PITPNM2: variants seen among roughly 807,000 people sequenced by gnomAD.
PITPNM2 encodes the protein phosphatidylinositol transfer protein membrane associated 2.
In PITPNM2, 35 loss-of-function variants were observed where a neutral mutation model predicts 132.2. The observed-to-expected ratio is 0.26, with a 90% CI of 0.20 to 0.35. PITPNM2 has a LOEUF of 0.35. Among genes scored for constraint, PITPNM2 ranks in the 10% least tolerant of loss-of-function variants. PITPNM2 has a pLI of 1.00. For missense variants in PITPNM2, 1,332 were observed against 1,912.0 expected, an observed-to-expected ratio of 0.70 and a Z score of 5.66; for synonymous variants, 738 against 799.2, an observed-to-expected ratio of 0.92 and a Z score of 1.29.
intron 1 of PITPNM2, among the ~76,000 whole-genome samples, chr12:123,129,980 C>T (rs1454648206): frequency 6.6e-6 from 1 of 151,728 alleles, no homozygotes; most frequent in Non-Finnish European, 1.5e-5. Flanking sequence ...TCATAGCTCA[C>T]TGCAGCCACA....
In PITPNM2 at chr12:123,000,572, C is replaced by G; in HGVS notation, c.1224+206G>C. On this transcript the variant is annotated intron_variant, in intron 10 of 25. Coordinates refer to ENST00000320201, the MANE Select transcript of PITPNM2 (RefSeq NM_020845.3). This position sits in a 1 kb window ranked among gnomAD's most constrained non-coding sequence, Gnocchi z 5.4. ...GTCTGTAGTCCCTGGTTCTCGGGGA[C>G]CTCAGAGACAGAGGGCGACAGGCGC... 1 of 671,242 alleles carries G rather than the reference C, an allele frequency of 1.5e-6. No individual in the cohort carries two copies. Among genetic ancestry groups the G allele is most frequent in the Non-Finnish European group, 2.7e-6 (1 of 372,972 alleles). 41.6% of individuals were successfully genotyped at this position (671,242 alleles called of 1,614,324 possible). A position where few individuals can be genotyped will look rare whatever the true frequency, so the allele number is the denominator to read the frequency against.
chr12:123,120,222 G>A (rs1014637891), intron 1 of PITPNM2, among the ~76,000 whole-genome samples: 5 of 152,136 alleles, frequency 3.3e-5, no homozygotes, highest in Non-Finnish European at 2.9e-5. Context: ...CTGAGTTCAC[G>A]GACTGGGTTC....
At position 122,992,480 on chromosome 12, in the gene PITPNM2, G is replaced by A. The variant is rs773566482; in HGVS notation, c.2404+19C>T. 3.1e-6 allele frequency: 5 copies of A among 1,603,342 alleles called. No homozygotes were observed. In the Admixed American group the frequency reaches 5.1e-5, roughly 16 times the overall value. On this transcript the variant is annotated intron_variant, in intron 16 of 25. Transcript: ENST00000320201. This position sits in a 1 kb window ranked among gnomAD's most constrained non-coding sequence, Gnocchi z 6.5. ...ACCCCACCTTCCCCCAGAGGAGTGG[G>A]GCGGAATGTGCCTCTCACCCAGCAG...
In PITPNM2 at chr12:123,000,927, G is replaced by A. The variant is rs747908939; in HGVS notation, c.1154-79C>T. The A allele has an allele frequency of 6.2e-5, 98 of 1,573,554 alleles. No individual in the cohort carries two copies. The highest frequency in any genetic ancestry group is 6.7e-5 in the East Asian group (3 of 44,638). On this transcript the variant is annotated intron_variant, in intron 9 of 25. Transcript: ENST00000320201. The surrounding 1 kb of genome is among the most constrained non-coding windows in gnomAD (Gnocchi z 5.4). ...ACCGGACAGAGGCTGCAACTGTGAC[G>A]AGGGGAGCTTGGGGGTCCCCAACTC...
At chr12:123,037,303 T>G (rs2040304771) in intron 2 of PITPNM2, among the ~76,000 whole-genome samples, 1 of 152,152 alleles carries the variant, frequency 6.6e-6, no homozygotes, top group East Asian at 1.9e-4. Flanking sequence ...TGAGGGAAGT[T>G]GGAGGAAATT....
intron 2 of PITPNM2, among the ~76,000 whole-genome samples, chr12:123,086,129 A>G (rs1256749656): frequency 6.6e-6 from 1 of 152,244 alleles, no homozygotes; most frequent in Non-Finnish European, 1.5e-5. Flanking sequence ...TTAGAAAAAT[A>G]CCGGGAAGGT....
Position 123,023,693 on chromosome 12 carries a change from A to T in PITPNM2, c.79-9651T>A, listed in dbSNP as rs1351586117. ...AACTATAAAACTCTTAAGAGAAAAC[A>T]TAGGCATAAGTCCTATGAACTTGAA... On this transcript the variant is annotated intron_variant, in intron 3 of 25. Transcript: ENST00000320201. The surrounding 1 kb of genome is among the most constrained non-coding windows in gnomAD (Gnocchi z 4.8). 6.6e-6 allele frequency among the ~76,000 whole-genome samples: 1 copy of T among 152,204 alleles called. No homozygotes were observed. The highest frequency in any genetic ancestry group is 1.5e-5 in the Non-Finnish European group (1 of 68,036).
At chr12:123,043,088 G>A (rs1234013242) in intron 2 of PITPNM2, among the ~76,000 whole-genome samples, 1 of 152,006 alleles carries the variant, frequency 6.6e-6, no homozygotes, top group African/African-American at 2.4e-5. Context: ...TAGACACTGG[G>A]CTTCCAGCAG....
chr12:123,135,262 AT>A (rs55813735), intron 1 of PITPNM2, among the ~76,000 whole-genome samples: 4 of 152,270 alleles, frequency 2.6e-5, no homozygotes, highest in Admixed American at 2.6e-4. Flanking sequence ...TTCAGGTTCC[AT>A]TTTTTTAAAA....
At chr12:123,018,283 TTTTTCTTTTC>T (rs901067279) in intron 3 of PITPNM2, among the ~76,000 whole-genome samples, 11 of 128,512 alleles carry the variant, frequency 8.6e-5, no homozygotes, top group African/African-American at 2.8e-4. Context: ...TTTCTTTTCT[TTTTTCTTTTC>T]TTTTTTTTTT....
intron 2 of PITPNM2, among the ~76,000 whole-genome samples, chr12:123,109,619 T>TCTCTGCC (rs1480433940): frequency 9.9e-5 from 15 of 152,186 alleles, no homozygotes; most frequent in Non-Finnish European, 1.9e-4. Flanking sequence ...CAGCCTCTGC[T>TCTCTGCC]CTCTGCCAAA....
Position 122,992,732 on chromosome 12 carries a change from G to C in PITPNM2, c.2234-63C>G. 6 of 1,280,700 alleles carry C rather than the reference G, an allele frequency of 4.7e-6. No individual in the cohort carries two copies. Among genetic ancestry groups the C allele is most frequent in the Non-Finnish European group, 6.4e-6 (6 of 930,380 alleles). The allele number at this position is 1,280,700 out of a possible 1,614,324, so 79.3% of individuals were successfully genotyped here. A position where few individuals can be genotyped will look rare whatever the true frequency, so the allele number is the denominator to read the frequency against. ...CCCTGAGGAGCAGTGGTGGGGGTGG[G>C]AAATTTGGGAACTGGGCACTGGGTT... is the stretch of plus-strand genomic sequence containing the variant. On this transcript the variant is annotated intron_variant, in intron 15 of 25. Coordinates refer to ENST00000320201, the MANE Select transcript of PITPNM2 (RefSeq NM_020845.3). This position sits in a 1 kb window ranked among gnomAD's most constrained non-coding sequence, Gnocchi z 6.5.
Position 123,000,547 on chromosome 12 carries a change from G to A in PITPNM2, c.1224+231C>T. 1 of 686,968 alleles carries A rather than the reference G, an allele frequency of 1.5e-6. No homozygotes were observed. The highest frequency in any genetic ancestry group is 2.7e-5 in the East Asian group (1 of 37,032). The allele number at this position is 686,968 out of a possible 1,614,324, so 42.6% of individuals were successfully genotyped here. ...CTTGGATAAGGCTTTCTCAGGGGTT[G>A]TCTGTAGTCCCTGGTTCTCGGGGAC... is the stretch of plus-strand genomic sequence containing the variant. On this transcript the variant is annotated intron_variant, in intron 10 of 25. Transcript: ENST00000320201. This position sits in a 1 kb window ranked among gnomAD's most constrained non-coding sequence, Gnocchi z 5.4.
At chr12:122,991,787 C>T in intron 16 of PITPNM2, 1 of 1,298,912 alleles carries the variant, frequency 7.7e-7, no homozygotes, top group Non-Finnish European at 9.8e-7. Context: ...CCCGTCTTGC[C>T]AGGTGGGCGC....
At chr12:123,038,927 C>T (rs2040367934) in intron 2 of PITPNM2, among the ~76,000 whole-genome samples, 1 of 152,182 alleles carries the variant, frequency 6.6e-6, no homozygotes, top group African/African-American at 2.4e-5. Flanking sequence ...CAGTGAGATA[C>T]TGTCTCTTCA....
rs986053210 is a variant in PITPNM2 at position 123,083,582 on chromosome 12, C to G, written c.-96+26803G>C. On this transcript the variant is annotated intron_variant, in intron 2 of 25. Transcript: ENST00000320201. The surrounding 1 kb of genome is among the most constrained non-coding windows in gnomAD (Gnocchi z 4.5). ...GGCTAACTGCTTCGAGTCTTTCCCC[C>G]AGATGTAACATGTCTATGGGAGGAT... 1.3e-5 allele frequency: 2 copies of G among 152,258 alleles called. No homozygotes were observed. Among genetic ancestry groups the G allele is most frequent in the African/African-American group, 4.8e-5 (2 of 41,450 alleles). The allele number at this position is 152,258 out of a possible 1,614,324, so 9.4% of individuals were successfully genotyped here. A position where few individuals can be genotyped will look rare whatever the true frequency, so the allele number is the denominator to read the frequency against.
At chr12:123,098,711 G>T (rs1030333641) in intron 2 of PITPNM2, among the ~76,000 whole-genome samples, 1 of 151,596 alleles carries the variant, frequency 6.6e-6, no homozygotes, top group African/African-American at 2.4e-5. Context: ...CAAACAAACA[G>T]ATGCCACAGA....
At chr12:123,149,575 A>G (rs884548) in intron 1 of PITPNM2, among the ~76,000 whole-genome samples, 102,071 of 152,116 alleles carry the variant, frequency 0.67, 37,075 homozygotes, top group East Asian at 0.97. Flanking sequence ...CCAGGGCAGG[A>G]GACCAGAGAT....
At chr12:123,014,242 C>T (rs890355324) in intron 3 of PITPNM2, among the ~76,000 whole-genome samples, 200 bp from the exon 4 acceptor site, 2 of 152,202 alleles carry the variant, frequency 1.3e-5, no homozygotes, top group African/African-American at 4.8e-5. Context: ...CACAGACTCC[C>T]TCTCCCAGAC....
Sources: allele counts gnomAD v4.1 joint callset (sites outside exome capture counted in the v4.1 genomes callset), GRCh38; gene constraint gnomAD v4.1.1; non-coding constraint Gnocchi (gnomAD v3.1); transcripts MANE v1.5; gene names NCBI Gene and HGNC (gene_info 2026-07-23, HGNC 2026-07-21).